PACRG: variants seen among roughly 807,000 people sequenced by gnomAD.
PACRG encodes the protein parkin coregulated gene protein.
PACRG carries 29 observed loss-of-function variants against 29.7 expected under a neutral mutation model. That is an observed-to-expected ratio of 0.98 (90% confidence interval 0.73 to 1.33). The LOEUF (loss-of-function observed/expected upper bound fraction) is 1.33, where lower values mean the gene tolerates loss of function less well. PACRG is among the 40% of genes most tolerant of loss of function. The pLI, the probability that PACRG is intolerant of heterozygous loss-of-function variation, is 0.00. For synonymous variants in PACRG, 116 were observed against 118.7 expected, an observed-to-expected ratio of 0.98 and a Z score of 0.15; for missense variants, 279 against 316.2, an observed-to-expected ratio of 0.88 and a Z score of 0.89.
intron 4 of PACRG, among the ~76,000 whole-genome samples, chr6:163,255,675 C>A (rs1783078199): frequency 6.6e-6 from 1 of 152,092 alleles, no homozygotes; most frequent in South Asian, 2.1e-4. Flanking sequence ...CTTGCTCTGT[C>A]ACCCAGGCTG....
chr6:162,782,352 A>G (rs1330547510), intron 1 of PACRG, among the ~76,000 whole-genome samples: 5 of 151,894 alleles, frequency 3.3e-5, no homozygotes, highest in Non-Finnish European at 7.4e-5. Context: ...GTAGGCAATT[A>G]TTATAACAAA....
At position 162,867,651 on chromosome 6, in the gene PACRG, T is replaced by C. The variant is rs59034101; in HGVS notation, c.291+53370T>C. Among the ~76,000 whole-genome samples the C allele has an allele frequency of 1.3e-3, 203 of 152,306 alleles. 1 individual carries two copies. The highest frequency in any genetic ancestry group is 4.7e-3 in the African/African-American group (195 of 41,554). On this transcript the variant is annotated intron_variant, in intron 2 of 4. Coordinates refer to ENST00000366888, the MANE Select transcript of PACRG (RefSeq NM_001080379.2). Reference sequence around the variant, plus strand: ...AAGAACTATCCGCAAGAAAAATGTATTTCTCCTCCAGCAACTGGCCCGAAC... The same window carrying C: ...AAGAACTATCCGCAAGAAAAATGTACTTCTCCTCCAGCAACTGGCCCGAAC...
chr6:163,252,803 C>G (rs1187277455), intron 4 of PACRG, among the ~76,000 whole-genome samples: 1 of 152,218 alleles, frequency 6.6e-6, no homozygotes, highest in East Asian at 1.9e-4. Context: ...CATGTAGTGA[C>G]TACGTTATAC....
chr6:162,873,627 A>G (rs1793016475), intron 2 of PACRG, among the ~76,000 whole-genome samples: 1 of 152,196 alleles, frequency 6.6e-6, no homozygotes, highest in South Asian at 2.1e-4. Context: ...GAAGCAAACC[A>G]GGATGACCCT....
chr6:162,831,581 G>A (rs749616288), intron 2 of PACRG, among the ~76,000 whole-genome samples: 14 of 152,048 alleles, frequency 9.2e-5, no homozygotes, highest in Non-Finnish European at 1.9e-4. Flanking sequence ...GGTGGTTTGC[G>A]GCACCTATCA....
chr6:163,191,834 T>C lies in PACRG; in HGVS notation c.613+102426T>C, dbSNP rs543062233. On this transcript the variant is annotated intron_variant, in intron 4 of 4. Coordinates refer to ENST00000366888, the MANE Select transcript of PACRG (RefSeq NM_001080379.2). ...TTTCTCTAAACCCTGTAACACTTCATAGGAGTCCCTCCCAATGAAAGCCAC... is the reference window on the plus strand; with the variant it reads ...TTTCTCTAAACCCTGTAACACTTCACAGGAGTCCCTCCCAATGAAAGCCAC... 1.6e-5 allele frequency: 7 copies of C among 447,156 alleles called. No homozygotes were observed. In the East Asian group the frequency reaches 2.8e-4, roughly 18 times the overall value. 27.7% of individuals were successfully genotyped at this position (447,156 alleles called of 1,614,324 possible). A position where few individuals can be genotyped will look rare whatever the true frequency, so the allele number is the denominator to read the frequency against.
At chr6:163,088,604 G>A (rs1813809003) in intron 3 of PACRG, among the ~76,000 whole-genome samples, 1 of 152,152 alleles carries the variant, frequency 6.6e-6, no homozygotes, top group South Asian at 2.1e-4. Context: ...AGTACAGCTT[G>A]TTACTTTGCA....
intron 3 of PACRG, among the ~76,000 whole-genome samples, chr6:163,069,285 CAAA>C (rs11354740): frequency 5.3e-5 from 5 of 94,374 alleles, no homozygotes; most frequent in Admixed American, 3.4e-4. Context: ...ATGAACTCAC[CAAA>C]AAAAAAAAAA....
At chr6:162,805,455 T>C (rs866366989) in intron 1 of PACRG, among the ~76,000 whole-genome samples, 1 of 152,214 alleles carries the variant, frequency 6.6e-6, no homozygotes, top group African/African-American at 2.4e-5. Flanking sequence ...GGCTGATGGC[T>C]GCTGACTGAT....
At chr6:163,033,359 G>A (rs1807846553) in intron 2 of PACRG, among the ~76,000 whole-genome samples, 1 of 152,148 alleles carries the variant, frequency 6.6e-6, no homozygotes, top group Admixed American at 6.5e-5. Flanking sequence ...AGAATCTAAT[G>A]CTCCAAAATA....
At chr6:162,873,743 C>T (rs895095666) in intron 2 of PACRG, among the ~76,000 whole-genome samples, 3 of 152,070 alleles carry the variant, frequency 2.0e-5, no homozygotes, top group Admixed American at 6.5e-5. Context: ...AAAACCAATT[C>T]GGCACCAAAA....
At chr6:162,897,738 T>C (rs1795271688) in intron 2 of PACRG, among the ~76,000 whole-genome samples, 1 of 152,246 alleles carries the variant, frequency 6.6e-6, no homozygotes, top group African/African-American at 2.4e-5. Flanking sequence ...CATTTCACGC[T>C]GAGCACCAGT....
Position 162,814,144 on chromosome 6 carries a change from A to T in PACRG, c.157-3A>T. On this transcript the variant is annotated splice_region_variant and splice_polypyrimidine_tract_variant and intron_variant, in intron 1 of 4. Transcript: ENST00000366888. ...GATCCCTATTTTTTTTTTTCCAATTAAGGTGAGAGGCCCTCCAGCTGCAGG... is the reference window on the plus strand; with the variant it reads ...GATCCCTATTTTTTTTTTTCCAATTTAGGTGAGAGGCCCTCCAGCTGCAGG... 6.3e-7 allele frequency: 1 copy of T among 1,595,760 alleles called. No individual in the cohort carries two copies. Among genetic ancestry groups the T allele is most frequent in the Admixed American group, 1.8e-5 (1 of 56,350 alleles).
intron 2 of PACRG, among the ~76,000 whole-genome samples, chr6:162,962,305 C>T (rs946546832): frequency 6.6e-6 from 1 of 152,146 alleles, no homozygotes; most frequent in Non-Finnish European, 1.5e-5. Flanking sequence ...CAGTGACTAA[C>T]AGTTATTAGC....
chr6:162,915,730 AT>A (rs1228223871), intron 2 of PACRG, among the ~76,000 whole-genome samples: 1 of 152,088 alleles, frequency 6.6e-6, no homozygotes, highest in African/African-American at 2.4e-5. Context: ...GTATTACAAT[AT>A]ATATACCTAA....
chr6:163,269,967 G>C (rs951070291), intron 4 of PACRG, among the ~76,000 whole-genome samples: 788 of 56,084 alleles, frequency 0.014, 116 homozygotes, highest in African/African-American at 0.035. Flanking sequence ...AAGAAAGAAA[G>C]AAAGAAAGAA....
intron 2 of PACRG, among the ~76,000 whole-genome samples, chr6:162,872,123 A>T (rs926625586): frequency 6.6e-6 from 1 of 152,158 alleles, no homozygotes; most frequent in Non-Finnish European, 1.5e-5. Context: ...TCAAGAACAG[A>T]GAGGGAAGTT....
intron 2 of PACRG, among the ~76,000 whole-genome samples, chr6:162,828,927 T>A (rs962427869): frequency 2.0e-5 from 3 of 152,256 alleles, no homozygotes; most frequent in Admixed American, 2.0e-4. Context: ...AAATTATATT[T>A]TAATTAAATT....
chr6:163,033,349 A>G (rs1188021132), intron 2 of PACRG, among the ~76,000 whole-genome samples: 2 of 152,240 alleles, frequency 1.3e-5, no homozygotes, highest in East Asian at 3.8e-4. Context: ...GGCCTTACCT[A>G]GAATCTAATG....
Sources: allele counts gnomAD v4.1 joint callset (sites outside exome capture counted in the v4.1 genomes callset), GRCh38; gene constraint gnomAD v4.1.1; transcripts MANE v1.5; gene names NCBI Gene and HGNC (gene_info 2026-07-23, HGNC 2026-07-21).